The following TENM2 variants were observed in gnomAD, a reference collection of about 807,000 sequenced individuals.
TENM2 encodes teneurin transmembrane protein 2.
TENM2 carries 52 observed loss-of-function variants against 245.2 expected under a neutral mutation model. The observed-to-expected ratio is 0.21, with a 90% confidence interval of 0.17 to 0.27. The LOEUF is 0.27. Among genes scored for constraint, TENM2 ranks in the 10% least tolerant of loss-of-function variants. TENM2 has a pLI of 1.00. For missense variants in TENM2, 3,046 were observed against 3,666.8 expected, an observed-to-expected ratio of 0.83 and a Z score of 4.37; for synonymous variants, 1,363 against 1,438.9, an observed-to-expected ratio of 0.95 and a Z score of 1.19.
intron 2 of TENM2, among the ~76,000 whole-genome samples, chr5:167,625,996 T>G (rs1419853820): frequency 6.6e-6 from 1 of 152,160 alleles, no homozygotes; most frequent in African/African-American, 2.4e-5. Flanking sequence ...ATCTCTTCTA[T>G]GACCCAACCT....
chr5:167,656,269 G>GA (rs1754834321), intron 2 of TENM2, among the ~76,000 whole-genome samples: 1 of 152,166 alleles, frequency 6.6e-6, no homozygotes, highest in African/African-American at 2.4e-5. Flanking sequence ...AACCATAGAA[G>GA]AACCAGTGGA....
At chr5:167,309,915 G>C (rs1755919323) in intron 1 of TENM2, 2 of 152,292 alleles carry the variant, frequency 1.3e-5, no homozygotes, top group Non-Finnish European at 2.9e-5. Context: ...GTTTGCTGAA[G>C]GTTTCCTGAG....
chr5:167,179,246 C>A, the TENM2 span, among the ~76,000 whole-genome samples: 1 of 152,118 alleles, frequency 6.6e-6, no homozygotes, highest in Non-Finnish European at 1.5e-5. Context: ...TTTGATTTTA[C>A]CTTTGTTTGT....
the TENM2 span, among the ~76,000 whole-genome samples, chr5:167,252,066 G>A: frequency 6.6e-6 from 1 of 152,072 alleles, no homozygotes; most frequent in Non-Finnish European, 1.5e-5. Context: ...TCTTTTGGGG[G>A]GCCTAGTGTG....
chr5:167,689,698 C>A (rs1757296683), intron 2 of TENM2, among the ~76,000 whole-genome samples: 1 of 152,208 alleles, frequency 6.6e-6, no homozygotes, highest in African/African-American at 2.4e-5. Context: ...ATGCTAAATT[C>A]TATCAGTGAA....
chr5:168,247,563 C>G lies in TENM2; in HGVS notation c.6624C>G (p.Asp2208Glu). 6.2e-7 allele frequency: 1 copy of G among 1,612,740 alleles called. No individual in the cohort carries two copies. The highest frequency in any genetic ancestry group is 1.1e-5 in the South Asian group (1 of 91,046). The change falls in exon 27 of 29, where the codon GAC becomes GAG. Residue 2208 changes from aspartate to glutamate, a missense_variant. Physicochemically the swap from Asp to Glu is conservative, Grantham distance 45. This residue lies in a region of TENM2 where 2,704 missense variants were observed against 3,331.9 expected (regional missense o/e 0.81). Transcript: ENST00000518659. This position sits in a 1 kb window ranked among gnomAD's most constrained non-coding sequence, Gnocchi z 7.8. ...AGTACACCTATGACTACGATGGGGA[C>G]GGGCAGCTCCAGAGCGTGGCCGTCA...
chr5:167,463,978 T>C (rs536921319), intron 2 of TENM2, among the ~76,000 whole-genome samples: 2 of 152,320 alleles, frequency 1.3e-5, no homozygotes, highest in South Asian at 2.1e-4. Context: ...AGCTCTGAGT[T>C]TGAGTCTCAC....
intron 2 of TENM2, among the ~76,000 whole-genome samples, chr5:167,758,977 G>A (rs1319055303): frequency 6.6e-6 from 1 of 151,524 alleles, no homozygotes; most frequent in Non-Finnish European, 1.5e-5. Context: ...TGGATACCTT[G>A]ATACTTTGAA....
At chr5:167,439,816 G>A (rs1368947363) in intron 2 of TENM2, among the ~76,000 whole-genome samples, 1 of 152,080 alleles carries the variant, frequency 6.6e-6, no homozygotes, top group Non-Finnish European at 1.5e-5. Flanking sequence ...CACTTTGAAA[G>A]TCATGAAGCA....
At chr5:167,288,464 C>T (rs1172806870) in intron 1 of TENM2, among the ~76,000 whole-genome samples, 1 of 150,502 alleles carries the variant, frequency 6.6e-6, no homozygotes, top group Non-Finnish European at 1.5e-5. Flanking sequence ...CAGGCTGAGG[C>T]AGGGGAATGG....
intron 5 of TENM2, among the ~76,000 whole-genome samples, chr5:168,000,564 T>A (rs1784351937): frequency 6.6e-6 from 1 of 152,226 alleles, no homozygotes. Flanking sequence ...ATTGAAATGG[T>A]AGATGCATGC....
chr5:167,122,903 A>G, the TENM2 span, among the ~76,000 whole-genome samples: 1 of 152,186 alleles, frequency 6.6e-6, no homozygotes, highest in Admixed American at 6.5e-5. Flanking sequence ...AAATTCACAA[A>G]TTGATATTGA....
the TENM2 span, among the ~76,000 whole-genome samples, chr5:167,207,332 A>T: frequency 6.6e-6 from 1 of 152,236 alleles, no homozygotes; most frequent in Non-Finnish European, 1.5e-5. Context: ...AAGAGAACGC[A>T]TGAGTATAGT....
chr5:167,823,925 T>G (rs1022162796), intron 2 of TENM2, among the ~76,000 whole-genome samples: 1 of 152,158 alleles, frequency 6.6e-6, no homozygotes. Flanking sequence ...ACTCACACCC[T>G]ACTCTCAGGG....
At chr5:168,020,232 A>G (rs1392420037) in intron 5 of TENM2, among the ~76,000 whole-genome samples, 2 of 152,214 alleles carry the variant, frequency 1.3e-5, no homozygotes, top group African/African-American at 4.8e-5. Context: ...AGGGGCTACA[A>G]GGTGACACCC....
At position 167,732,407 on chromosome 5, in the gene TENM2, G is replaced by A. The variant is rs148511578; in HGVS notation, c.503-143579G>A. Among the ~76,000 whole-genome samples, 9 of 152,234 alleles carry A rather than the reference G, an allele frequency of 5.9e-5. No individual in the cohort carries two copies. In the East Asian group the frequency reaches 1.5e-3, roughly 26 times the overall value. ...GGAAAGTGTAAAATTTATACTTAGG[G>A]CCCTGTTTAGTCAATGTGATGAGAT... On this transcript the variant is annotated intron_variant, in intron 2 of 28. Transcript: ENST00000518659.
intron 2 of TENM2, among the ~76,000 whole-genome samples, chr5:167,512,873 G>A (rs536304308): frequency 2.6e-5 from 4 of 152,182 alleles, no homozygotes; most frequent in Non-Finnish European, 5.9e-5. Flanking sequence ...TTGCAGTAGC[G>A]TTTCTTTCTT....
intron 2 of TENM2, among the ~76,000 whole-genome samples, chr5:167,565,478 CATCACTCTATTA>C (rs1773849714): frequency 6.6e-6 from 1 of 152,188 alleles, no homozygotes; most frequent in South Asian, 2.1e-4. Flanking sequence ...TGGTTTATTA[CATCACTCTATTA>C]ATTGGTGCCC....
chr5:167,171,765 C>G, the TENM2 span, among the ~76,000 whole-genome samples: 3 of 152,194 alleles, frequency 2.0e-5, no homozygotes, highest in Non-Finnish European at 4.4e-5. Context: ...CCTGGACTTT[C>G]TCTTTTGCCT....
Sources: allele counts gnomAD v4.1 joint callset (sites outside exome capture counted in the v4.1 genomes callset), GRCh38; gene constraint gnomAD v4.1.1; regional missense constraint gnomAD v4.1.1; non-coding constraint Gnocchi (gnomAD v3.1); transcripts MANE v1.5; gene names NCBI Gene and HGNC (gene_info 2026-07-23, HGNC 2026-07-21).